Variants in ENOX1 observed in about 807,000 individuals in gnomAD.
The protein encoded by ENOX1 is candidate growth-related and time keeping constitutive hydroquinone (NADH) oxidase.
ENOX1 carries 42 observed loss-of-function variants against 82.5 expected under a neutral mutation model. The ratio of observed to expected loss-of-function variants is 0.51; its 90% CI spans 0.40 to 0.66. ENOX1 has a LOEUF of 0.66. Among genes scored for constraint, ENOX1 ranks in the 30% least tolerant of loss-of-function variants. The pLI is 0.00. For missense variants in ENOX1, 608 were observed against 811.6 expected (o/e 0.75, Z 3.05); for synonymous variants, 271 against 282.2 (o/e 0.96, Z 0.40).
At chr13:43,536,830 A>G (rs1397280296) in intron 2 of ENOX1, among the ~76,000 whole-genome samples, 1 of 152,216 alleles carries the variant, frequency 6.6e-6, no homozygotes, top group East Asian at 1.9e-4. Flanking sequence ...TCCTGTATCT[A>G]AATGGATGCT....
chr13:43,612,639 T>C (rs1053096767), intron 2 of ENOX1, among the ~76,000 whole-genome samples: 2 of 152,150 alleles, frequency 1.3e-5, no homozygotes, highest in Non-Finnish European at 2.9e-5. Flanking sequence ...TGAAAATTAA[T>C]GCTTTTTCCT....
intron 11 of ENOX1, among the ~76,000 whole-genome samples, chr13:43,299,727 C>G (rs996277909): frequency 6.6e-6 from 1 of 152,168 alleles, no homozygotes; most frequent in Non-Finnish European, 1.5e-5. Flanking sequence ...AGCCATTCCC[C>G]ACTTGTGTAA....
intron 2 of ENOX1, among the ~76,000 whole-genome samples, chr13:43,493,719 A>C (rs572103619): frequency 6.6e-6 from 1 of 152,296 alleles, no homozygotes; most frequent in East Asian, 1.9e-4. Flanking sequence ...AAAACAGTCC[A>C]TCTGGGTTTC....
At position 43,633,688 on chromosome 13, in the gene ENOX1, A is replaced by ATGTGTGTGTGTG. The variant is rs59390732; in HGVS notation, c.-219+33779_-219+33790dup. On this transcript the variant is annotated intron_variant, in intron 2 of 16. Transcript: ENST00000690772. ...GCTATTTACATTTTAAAATGTGTGT[A>ATGTGTGTGTGTG]TGTGTGTGTGTGTGTGTGTGTGTGT... Among the ~76,000 whole-genome samples, 146 of 150,196 alleles carry ATGTGTGTGTGTG rather than the reference A, an allele frequency of 9.7e-4. 3 individuals are homozygous for ATGTGTGTGTGTG. The highest frequency in any genetic ancestry group is 1.6e-3 in the Non-Finnish European group (105 of 67,476).
chr13:43,226,898 C>T (rs964079168), intron 15 of ENOX1, among the ~76,000 whole-genome samples: 56 of 152,278 alleles, frequency 3.7e-4, no homozygotes, highest in African/African-American at 1.3e-3. Flanking sequence ...TTTGGGGTGA[C>T]AAGGGTGTAT....
chr13:43,447,505 T>C (rs2056718463), intron 3 of ENOX1, among the ~76,000 whole-genome samples: 1 of 152,040 alleles, frequency 6.6e-6, no homozygotes, highest in Non-Finnish European at 1.5e-5. Context: ...CCCTGCAAGA[T>C]AGTCTGTGCC....
intron 12 of ENOX1, among the ~76,000 whole-genome samples, chr13:43,271,557 C>G (rs1437807044): frequency 6.6e-6 from 1 of 151,912 alleles, no homozygotes; most frequent in East Asian, 1.9e-4. Flanking sequence ...GAGAGGAATA[C>G]TACTTGGACA....
chr13:43,723,188 T>C (rs2088693961), intron 1 of ENOX1, among the ~76,000 whole-genome samples: 2 of 152,104 alleles, frequency 1.3e-5, no homozygotes. Flanking sequence ...TTTGTCCCAT[T>C]TGAAGATATA....
At chr13:43,269,424 G>C in intron 13 of ENOX1, 46 bp downstream of exon 13, 1 of 1,410,164 alleles carries the variant, frequency 7.1e-7, no homozygotes, top group Non-Finnish European at 1.0e-6. Context: ...GTATGCAATG[G>C]GGTGTTTGGA....
chr13:43,667,651 G>A (rs1278883247), intron 1 of ENOX1, 107 bp from the exon 2 acceptor site: 8 of 218,994 alleles, frequency 3.7e-5, no homozygotes, highest in Non-Finnish European at 5.4e-5. Flanking sequence ...TGCAAAGTTC[G>A]AGCTGAACAT....
chr13:43,743,248 T>C (rs1949848071), intron 1 of ENOX1, among the ~76,000 whole-genome samples: 2 of 152,122 alleles, frequency 1.3e-5, no homozygotes, highest in Non-Finnish European at 2.9e-5. Context: ...TGAAATGTCA[T>C]TAGAACTTCT....
intron 12 of ENOX1, among the ~76,000 whole-genome samples, chr13:43,279,349 A>G (rs1394416362): frequency 1.3e-5 from 2 of 152,214 alleles, no homozygotes; most frequent in African/African-American, 4.8e-5. Flanking sequence ...CTTGCTGTGC[A>G]AGCTTGAACA....
intron 3 of ENOX1, among the ~76,000 whole-genome samples, chr13:43,475,515 G>C (rs1191034743): frequency 6.6e-6 from 1 of 152,066 alleles, no homozygotes; most frequent in Non-Finnish European, 1.5e-5. Context: ...TTTCAGAAAA[G>C]ACCAGAGCAT....
At chr13:43,556,878 T>C (rs1182091128) in intron 2 of ENOX1, among the ~76,000 whole-genome samples, 1 of 152,218 alleles carries the variant, frequency 6.6e-6, no homozygotes, top group East Asian at 1.9e-4. Flanking sequence ...CAGTAAACTT[T>C]TATAAAGAAA....
intron 2 of ENOX1, among the ~76,000 whole-genome samples, chr13:43,663,349 C>T (rs1049511098): frequency 6.6e-6 from 1 of 152,110 alleles, no homozygotes; most frequent in African/African-American, 2.4e-5. Context: ...CTTTATGCTC[C>T]AGCAGTACCT....
At chr13:43,620,498 C>A (rs951213565) in intron 2 of ENOX1, among the ~76,000 whole-genome samples, 1 of 152,036 alleles carries the variant, frequency 6.6e-6, no homozygotes, top group African/African-American at 2.4e-5. Flanking sequence ...GATTTTGTTT[C>A]TGACCCAATG....
At chr13:43,651,930 G>A (rs989747255) in intron 2 of ENOX1, among the ~76,000 whole-genome samples, 11 of 138,248 alleles carry the variant, frequency 8.0e-5, no homozygotes, top group African/African-American at 2.7e-4. Flanking sequence ...AGATGAGATC[G>A]TGCCATCGCA....
intron 14 of ENOX1, among the ~76,000 whole-genome samples, chr13:43,250,158 A>G (rs1477113761): frequency 6.6e-6 from 1 of 152,198 alleles, no homozygotes; most frequent in Non-Finnish European, 1.5e-5. Flanking sequence ...AAGTTCACAC[A>G]CCTGGAAGTT....
intron 12 of ENOX1, among the ~76,000 whole-genome samples, chr13:43,292,374 G>A (rs893028308): frequency 6.6e-6 from 1 of 152,140 alleles, no homozygotes; most frequent in Non-Finnish European, 1.5e-5. Context: ...GATGGGCATG[G>A]AGCGCCCACC....
Sources: gnomAD v4.1 joint callset for allele counts (sites outside exome capture counted in the v4.1 genomes callset) on GRCh38, gnomAD v4.1.1 for gene constraint, MANE v1.5 for transcripts, NCBI Gene and HGNC (gene_info 2026-07-23, HGNC 2026-07-21) for gene names.